NWD2: variants seen among roughly 807,000 people sequenced by gnomAD.
NWD2 encodes NACHT and WD repeat domain-containing protein 2.
NWD2 carries 37 observed loss-of-function variants against 132.7 expected under a neutral mutation model. That is an observed-to-expected ratio of 0.28 (90% confidence interval 0.21 to 0.37). The LOEUF (loss-of-function observed/expected upper bound fraction) is 0.37, where lower values mean the gene tolerates loss of function less well. NWD2 is among the 10% of genes least tolerant of loss of function. The probability of loss-of-function intolerance (pLI) is 1.00; values close to 1 mark genes in which losing one functional copy is unlikely to be tolerated. For synonymous variants in NWD2, 705 were observed against 803.0 expected (o/e 0.88, Z 2.06); for missense variants, 1,592 against 2,122.4 (o/e 0.75, Z 4.91).
chr4:37,391,920 C>T (rs1457138649), intron 3 of NWD2, among the ~76,000 whole-genome samples: 5 of 152,120 alleles, frequency 3.3e-5, no homozygotes, highest in East Asian at 1.9e-4. Flanking sequence ...AATTAAAACA[C>T]GGGCTGGGCA....
rs1006372768 is a variant in NWD2 at position 37,336,831 on chromosome 4, C to T, written c.240+10807C>T. ...GTGGGCGCCTGTAATCCCAGCTACT[C>T]GGGAGGCTGAGGCAGGAGAATCGCT... On this transcript the variant is annotated intron_variant, in intron 2 of 6. Transcript: ENST00000309447. 4.0e-5 allele frequency among the ~76,000 whole-genome samples: 6 copies of T among 150,688 alleles called. No individual in the cohort carries two copies. In the East Asian group the frequency reaches 1.2e-3, roughly 30 times the overall value.
chr4:37,343,035 A>C (rs1019286873), intron 2 of NWD2, among the ~76,000 whole-genome samples: 1 of 152,198 alleles, frequency 6.6e-6, no homozygotes, highest in African/African-American at 2.4e-5. Flanking sequence ...AAATGTAGCC[A>C]TTGAAGATGA....
At chr4:37,323,041 TG>T (rs56095927) in intron 1 of NWD2, among the ~76,000 whole-genome samples, 23,493 of 152,150 alleles carry the variant, frequency 0.15, 2,328 homozygotes, top group South Asian at 0.33. Flanking sequence ...TCTAATTTAG[TG>T]GCTGTATGCT....
intron 2 of NWD2, among the ~76,000 whole-genome samples, chr4:37,334,158 T>A (rs1719352492): frequency 6.6e-6 from 1 of 152,140 alleles, no homozygotes; most frequent in South Asian, 2.1e-4. Context: ...ATAACAGAAC[T>A]TCCCAAACCT....
chr4:37,274,777 A>T lies in NWD2; in HGVS notation c.151+29559A>T, dbSNP rs577294840. ...CCCTGGGATGCAAGGCTGGTTCAAC[A>T]TACGCAAATCAATAAACGTAATCCA... is the stretch of plus-strand genomic sequence containing the variant. On this transcript the variant is annotated intron_variant, in intron 1 of 6. Transcript: ENST00000309447. 3.3e-5 allele frequency among the ~76,000 whole-genome samples: 5 copies of T among 152,254 alleles called. No homozygotes were observed. In the East Asian group the frequency reaches 9.7e-4, roughly 29 times the overall value.
At chr4:37,267,169 T>A (rs17493002) in intron 1 of NWD2, among the ~76,000 whole-genome samples, 24,586 of 152,042 alleles carry the variant, frequency 0.16, 2,556 homozygotes, top group South Asian at 0.32. Flanking sequence ...CTTCTATGAC[T>A]GTACGGCTAG....
At chr4:37,412,721 C>T (rs1344583475) in intron 3 of NWD2, among the ~76,000 whole-genome samples, 1 of 152,184 alleles carries the variant, frequency 6.6e-6, no homozygotes, top group Non-Finnish European at 1.5e-5. Flanking sequence ...TGCTACCTGA[C>T]TTCAAAATAT....
chr4:37,433,810 T>A (rs1438842876), intron 4 of NWD2, 66 bp from the exon 5 acceptor site: 3 of 1,310,646 alleles, frequency 2.3e-6, no homozygotes, highest in Admixed American at 2.5e-5. Context: ...AGAAATTTTC[T>A]TGTTCTTAAA....
intron 3 of NWD2, among the ~76,000 whole-genome samples, chr4:37,395,556 C>T (rs1451304980): frequency 2.8e-5 from 3 of 107,456 alleles, no homozygotes; most frequent in Admixed American, 1.3e-4. Context: ...TGCACTCCAG[C>T]CTGGGCAACA....
chr4:37,310,515 T>A (rs1375477995), intron 1 of NWD2, among the ~76,000 whole-genome samples: 1 of 152,204 alleles, frequency 6.6e-6, no homozygotes, highest in Non-Finnish European at 1.5e-5. Context: ...TTTTCTTTAT[T>A]GCACTGACCA....
intron 3 of NWD2, among the ~76,000 whole-genome samples, chr4:37,426,016 C>T (rs1302979094): frequency 6.6e-6 from 1 of 152,182 alleles, no homozygotes; most frequent in East Asian, 1.9e-4. Flanking sequence ...GTCCATTGAC[C>T]GTATGAGCTG....
chr4:37,397,788 C>T (rs1720827583), intron 3 of NWD2, among the ~76,000 whole-genome samples: 2 of 148,698 alleles, frequency 1.3e-5, no homozygotes, highest in African/African-American at 2.5e-5. Flanking sequence ...CTGGGAACAG[C>T]CTCTCTCTCT....
intron 3 of NWD2, among the ~76,000 whole-genome samples, chr4:37,383,685 C>T (rs1427191859): frequency 1.3e-5 from 2 of 152,228 alleles, no homozygotes; most frequent in Admixed American, 6.5e-5. Flanking sequence ...GCAGCCTTTT[C>T]ATATCACACC....
chr4:37,346,941 G>A (rs112089568), intron 2 of NWD2, among the ~76,000 whole-genome samples: 2,286 of 152,058 alleles, frequency 0.015, 63 homozygotes, highest in African/African-American at 0.052. Flanking sequence ...TCATTGATTA[G>A]TTCATTTATA....
intron 1 of NWD2, among the ~76,000 whole-genome samples, chr4:37,322,996 A>G (rs1448535464): frequency 6.6e-6 from 1 of 152,152 alleles, no homozygotes; most frequent in Non-Finnish European, 1.5e-5. Context: ...AGAGCAAACT[A>G]TGGTGTATGA....
chr4:37,338,471 G>T lies in NWD2; in HGVS notation c.240+12447G>T, dbSNP rs569792125. Among the ~76,000 whole-genome samples, 166 of 152,316 alleles carry T rather than the reference G, an allele frequency of 1.1e-3. 2 individuals are homozygous for T. The South Asian group carries it at 0.033, about 31-fold the overall frequency. ...AAAATAAAGTTCCTTGAAAACTAAAGTTCCTTGAAAACAACAGTTTGAACT... is the reference window on the plus strand; with the variant it reads ...AAAATAAAGTTCCTTGAAAACTAAATTTCCTTGAAAACAACAGTTTGAACT... On this transcript the variant is annotated intron_variant, in intron 2 of 6. Transcript: ENST00000309447.
rs555202603 is a variant in NWD2, at chr4:37,415,597, G to A, written c.358-14975G>A. Among the ~76,000 whole-genome samples the A allele has an allele frequency of 2.0e-4, 31 of 151,914 alleles. 1 individual carries two copies. The East Asian group carries it at 5.2e-3, about 26-fold the overall frequency. On this transcript the variant is annotated intron_variant, in intron 3 of 6. Transcript: ENST00000309447. ...CAGGTGCCTGTAGTCCCAGCTCCTC[G>A]GGAGGCTGAGGCAGGAAAATGGCGT...
chr4:37,424,725 C>T lies in NWD2; in HGVS notation c.358-5847C>T, dbSNP rs916923034. On this transcript the variant is annotated intron_variant, in intron 3 of 6. Coordinates refer to ENST00000309447, the MANE Select transcript of NWD2 (RefSeq NM_001144990.2). ...GTCCAGGGAGCAGCTGCCTCACGCC[C>T]AACAAAACATGGCATCCATAACCCC... Among the ~76,000 whole-genome samples, 3 of 152,248 alleles carry T rather than the reference C, an allele frequency of 2.0e-5. No homozygotes were observed. In the East Asian group the frequency reaches 5.8e-4, roughly 30 times the overall value.
chr4:37,292,363 A>G (rs1577657778), intron 1 of NWD2, among the ~76,000 whole-genome samples: 1 of 152,230 alleles, frequency 6.6e-6, no homozygotes, highest in East Asian at 1.9e-4. Flanking sequence ...GGTTGAAGGG[A>G]CTGCTCTAGC....
Sources: allele counts gnomAD v4.1 joint callset (sites outside exome capture counted in the v4.1 genomes callset), GRCh38; gene constraint gnomAD v4.1.1; transcripts MANE v1.5; gene names NCBI Gene and HGNC (gene_info 2026-07-23, HGNC 2026-07-21).